ADGRG4: variants seen among roughly 807,000 people sequenced by gnomAD.
ADGRG4 encodes G protein-coupled receptor 112.
ADGRG4 carries 122 observed loss-of-function variants against 126.2 expected under a neutral mutation model. The observed-to-expected ratio is 0.97, with a 90% CI of 0.83 to 1.12. The LOEUF is 1.12. Ranked by LOEUF, ADGRG4 falls within the 50% of genes most tolerant of loss-of-function variation. The pLI is 0.00. For synonymous variants in ADGRG4, 943 were observed against 838.7 expected (o/e 1.12, Z -2.15); for missense variants, 2,481 against 2,251.8 (o/e 1.10, Z -2.06).
rs755331103 is a variant in ADGRG4, at chrX:136,348,652, C to G, written c.4946C>G (p.Thr1649Arg). Residue 1649 changes from threonine (T) to arginine (R), a missense_variant, in exon 6 of 26, where the codon ACA becomes AGA. By Grantham distance (71) the Thr-to-Arg change is moderately conservative. Transcript: ENST00000394143. ...RITPTTFLSP[T>R]EPTLPFVKTV... ...ACACCTACGACCTTTCTCTCTCCAA[C>G]AGAGCCAACTTTGCCCTTTGTAAAA... 7 of 1,210,266 alleles carry G rather than the reference C, an allele frequency of 5.8e-6. No homozygotes were observed. In the South Asian group the frequency reaches 1.2e-4, roughly 21 times the overall value.
At chrX:136,374,200 T>TCA in intron 15 of ADGRG4, among the ~76,000 whole-genome samples, 1 of 110,676 alleles carries the variant, frequency 9.0e-6, no homozygotes, top group South Asian at 3.9e-4. Context: ...TTCAGTAGTT[T>TCA]GTTCCTCCTT....
chrX:136,330,846 C>G (rs2074905173), intron 5 of ADGRG4, among the ~76,000 whole-genome samples: 1 of 111,441 alleles, frequency 9.0e-6, no homozygotes, highest in African/African-American at 3.3e-5. Flanking sequence ...CAATTATACT[C>G]ATTTAGTTAT....
intron 22 of ADGRG4, 78 bp from the exon 23 acceptor site, chrX:136,405,614 G>C: frequency 1.3e-6 from 1 of 798,605 alleles, no homozygotes; most frequent in African/African-American, 2.1e-5. Flanking sequence ...AAATAAAATT[G>C]ACTAGATGAT....
At position 136,405,794 on chromosome X, in the gene ADGRG4, A is replaced by G. The variant is rs757387683; in HGVS notation, c.8757A>G (p.Gln2919=). ...NLSMFCTVLV[Q]LNSVKSQIQK... Reference sequence around the variant, plus strand: ...CCATGTTCTGCACTGTTCTTGTTCAACTGAATTCTGTGAAATCCCAAATCC... The same window carrying G: ...CCATGTTCTGCACTGTTCTTGTTCAGCTGAATTCTGTGAAATCCCAAATCC... The change falls in exon 23 of 26, where the codon CAA becomes CAG. Residue 2919 remains glutamine (Q), a synonymous_variant. Transcript: ENST00000394143. 9.1e-6 allele frequency: 11 copies of G among 1,208,732 alleles called. No homozygotes were observed. In the East Asian group the frequency reaches 2.7e-4, roughly 29 times the overall value.
chrX:136,396,586 A>C (rs181204919), intron 19 of ADGRG4, among the ~76,000 whole-genome samples: 3,958 of 93,906 alleles, frequency 0.042, 305 homozygotes, highest in African/African-American at 0.15. Flanking sequence ...AAGAGTGAGA[A>C]CCTGTCCCAA....
At chrX:136,308,619 A>G in intron 3 of ADGRG4, 150 bp from the exon 4 acceptor site, 1 of 481,903 alleles carries the variant, frequency 2.1e-6, no homozygotes, top group East Asian at 3.4e-5. Flanking sequence ...TATCTCTGGT[A>G]AATGCCTATC....
intron 19 of ADGRG4, among the ~76,000 whole-genome samples, chrX:136,396,594 C>CA (rs771100359): frequency 0.024 from 1,378 of 57,286 alleles, 28 homozygotes; most frequent in African/African-American, 0.063. Context: ...GAACCTGTCC[C>CA]AAAAAAAAAA....
intron 4 of ADGRG4, among the ~76,000 whole-genome samples, chrX:136,320,231 G>A (rs1017419514): frequency 8.0e-5 from 9 of 111,947 alleles, no homozygotes; most frequent in East Asian, 5.6e-4. Flanking sequence ...AAACAATGTG[G>A]CAATAAATAT....
chrX:136,302,437 C>A (rs1393392675), intron 1 of ADGRG4, among the ~76,000 whole-genome samples: 2 of 111,899 alleles, frequency 1.8e-5, no homozygotes, highest in Non-Finnish European at 3.8e-5. Context: ...AATCAATGTG[C>A]AAAAATCACA....
intron 5 of ADGRG4, among the ~76,000 whole-genome samples, chrX:136,334,100 CTTTCTTTCTT>C (rs2074933123): frequency 3.1e-5 from 1 of 32,578 alleles, no homozygotes; most frequent in African/African-American, 1.4e-4. Context: ...TTCTTTCTTT[CTTTCTTTCTT>C]TCTTTCTTTC....
At chrX:136,342,543 T>C (rs2074984659) in intron 5 of ADGRG4, among the ~76,000 whole-genome samples, 1 of 111,403 alleles carries the variant, frequency 9.0e-6, no homozygotes, top group African/African-American at 3.3e-5. Flanking sequence ...TAGATTGGTG[T>C]GAGCTAGTCA....
At position 136,357,849 on chromosome X, in the gene ADGRG4, G is replaced by A. The variant is rs1371013799; in HGVS notation, c.6980+93G>A. On this transcript the variant is annotated intron_variant, in intron 10 of 25. Coordinates refer to ENST00000394143, the MANE Select transcript of ADGRG4 (RefSeq NM_153834.4). The stretch of plus-strand genomic sequence containing the variant: ...CTGCATGTGCGGCCAGTTGGCCAGA[G>A]TTGTCAGAAGAAGATCAAAGTACCC... 1.0e-5 allele frequency: 6 copies of A among 588,780 alleles called. No homozygotes were observed. The East Asian group carries it at 1.0e-4, about 10-fold the overall frequency. 48.5% of individuals were successfully genotyped at this position (588,780 alleles called of 1,213,427 possible).
chrX:136,318,924 T>C (rs1203035745), intron 4 of ADGRG4, among the ~76,000 whole-genome samples: 2 of 112,200 alleles, frequency 1.8e-5, no homozygotes, highest in Admixed American at 1.9e-4. Context: ...AAATGTCATT[T>C]AAAATAAAAG....
At chrX:136,332,967 C>G (rs765398352) in intron 5 of ADGRG4, among the ~76,000 whole-genome samples, 1 of 111,486 alleles carries the variant, frequency 9.0e-6, no homozygotes, top group African/African-American at 3.3e-5. Flanking sequence ...CCTGTTCACT[C>G]TGATGGTAGT....
intron 3 of ADGRG4, among the ~76,000 whole-genome samples, chrX:136,308,157 G>A (rs958014382): frequency 1.8e-5 from 2 of 112,821 alleles, no homozygotes; most frequent in Non-Finnish European, 3.8e-5. Context: ...AGGTTGGAGC[G>A]CAGTGGCGCA....
intron 4 of ADGRG4, among the ~76,000 whole-genome samples, chrX:136,310,005 G>A (rs992959604): frequency 9.0e-6 from 1 of 111,231 alleles, no homozygotes; most frequent in African/African-American, 3.3e-5. Context: ...AAGGGCTACA[G>A]GGCATGGTAT....
intron 5 of ADGRG4, among the ~76,000 whole-genome samples, chrX:136,334,114 TTCTTTCTTTCTTTCTTTC>T (rs1307997545): frequency 8.2e-5 from 8 of 97,536 alleles, no homozygotes; most frequent in African/African-American, 2.7e-4. Context: ...CTTTCTTTCT[TTCTTTCTTTCTTTCTTTC>T]TTTCTTTTTC....
chrX:136,364,446 C>A (rs1271220238), intron 13 of ADGRG4, among the ~76,000 whole-genome samples: 1 of 111,771 alleles, frequency 8.9e-6, no homozygotes, highest in Non-Finnish European at 1.9e-5. Context: ...ATTATATCAG[C>A]CTATAAAGAA....
At chrX:136,332,094 C>T (rs1359562732) in intron 5 of ADGRG4, among the ~76,000 whole-genome samples, 90 of 108,504 alleles carry the variant, frequency 8.3e-4, no homozygotes, top group Non-Finnish European at 4.0e-4. Flanking sequence ...CATGCTGATG[C>T]GCTGCACACA....
Sources: gnomAD v4.1 joint callset for allele counts (sites outside exome capture counted in the v4.1 genomes callset) on GRCh38, gnomAD v4.1.1 for gene constraint, MANE v1.5 for transcripts, NCBI Gene and HGNC (gene_info 2026-07-23, HGNC 2026-07-21) for gene names.